Variants in MYRIP observed in about 807,000 individuals in gnomAD.
MYRIP encodes myosin VIIA and Rab interacting protein, also known as rab effector MyRIP.
A neutral mutation model predicts 98.0 loss-of-function variants in MYRIP; 49 were observed. The ratio of observed to expected loss-of-function variants is 0.50; its 90% CI spans 0.40 to 0.63. The LOEUF (loss-of-function observed/expected upper bound fraction) is 0.63, where lower values mean the gene tolerates loss of function less well. MYRIP is among the 30% of genes least tolerant of loss of function. MYRIP has a pLI of 0.00. For synonymous variants in MYRIP, 404 were observed against 409.5 expected (o/e 0.99, Z 0.16); for missense variants, 1,004 against 1,058.2 (o/e 0.95, Z 0.71).
Position 40,118,611 on chromosome 3 carries a change from T to A in MYRIP, c.333-32437T>A, listed in dbSNP as rs190908902. ...TATTTATTTTTCTTTTCTTTTTTTTTAATTATTATACTTTAAGTTTTAGGG... is the reference window on the plus strand; with the variant it reads ...TATTTATTTTTCTTTTCTTTTTTTTAAATTATTATACTTTAAGTTTTAGGG... On this transcript the variant is annotated intron_variant, in intron 3 of 16. Transcript: ENST00000302541. 2.1e-3 allele frequency among the ~76,000 whole-genome samples: 320 copies of A among 151,894 alleles called. 1 individual carries two copies. The highest frequency in any genetic ancestry group is 6.9e-3 in the African/African-American group (288 of 41,478).
chr3:40,097,278 C>T (rs1948851274), intron 3 of MYRIP, among the ~76,000 whole-genome samples: 1 of 152,174 alleles, frequency 6.6e-6, no homozygotes, highest in African/African-American at 2.4e-5. Flanking sequence ...GATCAAGTAA[C>T]TTGCCTGTGG....
intron 2 of MYRIP, among the ~76,000 whole-genome samples, chr3:39,973,758 G>A (rs144256590): frequency 0.01 from 1,544 of 152,156 alleles, 27 homozygotes; most frequent in African/African-American, 0.034. Flanking sequence ...ATTCAAAACC[G>A]CCCAACTACA....
intron 1 of MYRIP, among the ~76,000 whole-genome samples, chr3:39,898,957 A>C (rs1383833869): frequency 6.6e-6 from 1 of 152,128 alleles, no homozygotes; most frequent in Admixed American, 6.6e-5. Context: ...AAGATACCTT[A>C]AGGACAATAG....
chr3:40,116,682 G>T (rs527291988), intron 3 of MYRIP, among the ~76,000 whole-genome samples: 7 of 152,282 alleles, frequency 4.6e-5, no homozygotes, highest in African/African-American at 1.7e-4. Flanking sequence ...CTTTGTTTTT[G>T]ACAGGCTGTT....
intron 1 of MYRIP, among the ~76,000 whole-genome samples, chr3:39,897,850 TTGATA>T (rs1943652281): frequency 6.6e-6 from 1 of 150,718 alleles, no homozygotes; most frequent in Non-Finnish European, 1.5e-5. Flanking sequence ...TTTTTTAGGT[TTGATA>T]TGATCAAAGC....
intron 2 of MYRIP, among the ~76,000 whole-genome samples, chr3:39,972,464 T>C (rs1001169118): frequency 6.6e-6 from 1 of 152,104 alleles, no homozygotes; most frequent in African/African-American, 2.4e-5. Flanking sequence ...GGAACTAAAC[T>C]TTGTTATGAT....
At position 40,233,932 on chromosome 3, in the gene MYRIP, T is replaced by G. The variant is rs574391847; in HGVS notation, c.1979T>G (p.Ile660Arg). Residue 660 changes from isoleucine (I) to arginine (R), a missense_variant, in exon 12 of 17, where the codon ATA (isoleucine) becomes AGA (arginine). Ile to Arg is a moderately conservative substitution (Grantham distance 97). Coordinates refer to ENST00000302541, the MANE Select transcript of MYRIP (RefSeq NM_015460.4). ...LKVINATEEL[I>R]AGSTGPWESP... is the part of the protein sequence containing the mutation. The stretch of plus-strand genomic sequence containing the variant: ...GTCATCAATGCCACAGAGGAGTTGA[T>G]AGCAGGATCTACAGGGCCCTGGGAG... The G allele has an allele frequency of 6.2e-7, 1 of 1,613,890 alleles. No homozygotes were observed. Among genetic ancestry groups the G allele is most frequent in the South Asian group, 1.1e-5 (1 of 90,988 alleles).
At chr3:40,209,389 C>A in intron 10 of MYRIP, 1 of 153,832 alleles carries the variant, frequency 6.5e-6, no homozygotes, top group Non-Finnish European at 1.4e-5. Flanking sequence ...CTTAATTATC[C>A]TGATTTGATC....
intron 10 of MYRIP, among the ~76,000 whole-genome samples, chr3:40,201,031 T>C (rs975442582): frequency 1.3e-5 from 2 of 152,224 alleles, no homozygotes; most frequent in African/African-American, 4.8e-5. Flanking sequence ...TATGAAAATA[T>C]TGTGTCTTAA....
chr3:39,925,100 AG>A (rs1215853256), intron 2 of MYRIP, among the ~76,000 whole-genome samples: 1 of 151,610 alleles, frequency 6.6e-6, no homozygotes, highest in Admixed American at 6.6e-5. Context: ...GGAAATAATA[AG>A]GATCAGAACT....
chr3:40,181,355 A>G (rs1322390103), intron 8 of MYRIP, among the ~76,000 whole-genome samples: 1 of 152,140 alleles, frequency 6.6e-6, no homozygotes, highest in Non-Finnish European at 1.5e-5. Context: ...AAGGTGAGGA[A>G]ATGAGCACAC....
intron 3 of MYRIP, among the ~76,000 whole-genome samples, chr3:40,123,986 G>T (rs185908159): frequency 2.0e-5 from 3 of 152,282 alleles, no homozygotes; most frequent in African/African-American, 7.2e-5. Context: ...GAACTGCCTT[G>T]TGCCCAGGGC....
intron 16 of MYRIP, among the ~76,000 whole-genome samples, chr3:40,253,752 T>C (rs1235788113): frequency 6.6e-6 from 1 of 152,214 alleles, no homozygotes; most frequent in African/African-American, 2.4e-5. Context: ...GTGTAGCCGC[T>C]ATTAAGGGTT....
At chr3:39,897,855 A>G (rs1431203738) in intron 1 of MYRIP, among the ~76,000 whole-genome samples, 4 of 143,330 alleles carry the variant, frequency 2.8e-5, no homozygotes, top group Non-Finnish European at 6.1e-5. Flanking sequence ...TAGGTTTGAT[A>G]TGATCAAAGC....
At chr3:40,097,432 C>G (rs1296518191) in intron 3 of MYRIP, among the ~76,000 whole-genome samples, 2 of 151,892 alleles carry the variant, frequency 1.3e-5, no homozygotes, top group Non-Finnish European at 2.9e-5. Context: ...CTAAGGTACT[C>G]AGTTGAATCT....
At chr3:40,181,664 T>G (rs558845850) in intron 8 of MYRIP, among the ~76,000 whole-genome samples, 15 of 152,310 alleles carry the variant, frequency 9.8e-5, no homozygotes, top group African/African-American at 3.6e-4. Context: ...ACAACATATA[T>G]ATATATAATG....
At chr3:39,853,770 CTATT>C (rs1942208397) in intron 1 of MYRIP, among the ~76,000 whole-genome samples, 1 of 151,882 alleles carries the variant, frequency 6.6e-6, no homozygotes, top group African/African-American at 2.4e-5. Flanking sequence ...TAGGATCCGT[CTATT>C]TATTTTTGTT....
At chr3:40,090,583 G>A (rs1948721510) in intron 3 of MYRIP, among the ~76,000 whole-genome samples, 1 of 152,268 alleles carries the variant, frequency 6.6e-6, no homozygotes, top group Non-Finnish European at 1.5e-5. Context: ...ACAGCATAGG[G>A]TTCAGTTTTA....
At chr3:40,253,597 A>T (rs1413786554) in intron 16 of MYRIP, among the ~76,000 whole-genome samples, 1 of 152,308 alleles carries the variant, frequency 6.6e-6, no homozygotes, top group Non-Finnish European at 1.5e-5. Context: ...CTAAGATCGC[A>T]CTAGTCTTAG....
Sources: gnomAD v4.1 joint callset for allele counts (sites outside exome capture counted in the v4.1 genomes callset) on GRCh38, gnomAD v4.1.1 for gene constraint, MANE v1.5 for transcripts, NCBI Gene and HGNC (gene_info 2026-07-23, HGNC 2026-07-21) for gene names.